Variants in UTRN observed in about 807,000 individuals in gnomAD.
UTRN encodes the protein dystrophin-related protein 1.
In UTRN, 283 loss-of-function variants were observed where a neutral mutation model predicts 463.9. The ratio of observed to expected loss-of-function variants is 0.61; its 90% CI spans 0.55 to 0.67. The LOEUF is 0.67. UTRN is among the 30% of genes least tolerant of loss of function. The probability of loss-of-function intolerance (pLI) is 0.00; values close to 1 mark genes in which losing one functional copy is unlikely to be tolerated. For synonymous variants in UTRN, 1,442 were observed against 1,431.5 expected (o/e 1.01, Z -0.17); for missense variants, 3,922 against 4,084.3 (o/e 0.96, Z 1.08).
chr6:144,590,553 A>C (rs973304655), intron 51 of UTRN, among the ~76,000 whole-genome samples: 1 of 152,188 alleles, frequency 6.6e-6, no homozygotes, highest in Admixed American at 6.5e-5. Flanking sequence ...TTTTTAAAAA[A>C]TTTAATTCAA....
chr6:144,814,706 T>C (rs769865933), intron 65 of UTRN, among the ~76,000 whole-genome samples: 10 of 152,198 alleles, frequency 6.6e-5, no homozygotes, highest in Non-Finnish European at 1.3e-4. Flanking sequence ...ATCTATATTT[T>C]AATGTTTTCA....
At chr6:144,355,434 A>G (rs1778464015) in intron 2 of UTRN, among the ~76,000 whole-genome samples, 5 of 152,266 alleles carry the variant, frequency 3.3e-5, no homozygotes, top group Admixed American at 2.6e-4. Context: ...CCTGGGCTCA[A>G]GTGATATACC....
At chr6:144,635,139 T>A (rs9497028) in intron 51 of UTRN, among the ~76,000 whole-genome samples, 1 of 65,788 alleles carries the variant, frequency 1.5e-5, no homozygotes, top group African/African-American at 1.8e-4. Context: ...TATTTGTGTG[T>A]TTTTTTTTTT....
In UTRN at chr6:144,789,258, C is replaced by A. The variant is rs763500130; in HGVS notation, c.8899C>A (p.Leu2967Ile). The part of the protein sequence containing the change: ...KIGLMSLSKG[L>I]LEEKYRYLFK... ...TGGATTAATGTCTCTCTCCAAAGGT[C>A]TCTTGGAAGAAAAATACAGATGTAT... is the stretch of plus-strand genomic sequence containing the variant. Residue 2967 changes from leucine to isoleucine, a missense_variant, in exon 62 of 75, where the codon CTC becomes ATC. Transcript: ENST00000367545. The A allele has an allele frequency of 6.2e-7, 1 of 1,612,948 alleles. No homozygotes were observed. Among genetic ancestry groups the A allele is most frequent in the Non-Finnish European group, 8.5e-7 (1 of 1,179,506 alleles).
intron 23 of UTRN, among the ~76,000 whole-genome samples, chr6:144,465,702 A>C (rs1481541004): frequency 1.3e-5 from 2 of 152,274 alleles, no homozygotes; most frequent in South Asian, 4.1e-4. Context: ...GGAAAACTTT[A>C]AATTCCACAC....
At chr6:144,614,941 C>T (rs1236095557) in intron 51 of UTRN, among the ~76,000 whole-genome samples, 1 of 152,032 alleles carries the variant, frequency 6.6e-6, no homozygotes, top group East Asian at 1.9e-4. Context: ...TTAAGAAACC[C>T]TCAACATTTC....
intron 52 of UTRN, among the ~76,000 whole-genome samples, chr6:144,686,729 G>A (rs928748000): frequency 1.3e-5 from 2 of 151,712 alleles, no homozygotes; most frequent in African/African-American, 2.4e-5. Flanking sequence ...TTCACTTTTG[G>A]TTGCCATTCG....
intron 51 of UTRN, among the ~76,000 whole-genome samples, chr6:144,605,728 ATAC>A (rs1804778843): frequency 6.6e-6 from 1 of 150,406 alleles, no homozygotes; most frequent in Non-Finnish European, 1.5e-5. Flanking sequence ...ACTGAACTTA[ATAC>A]TTAAGTATAA....
intron 51 of UTRN, among the ~76,000 whole-genome samples, chr6:144,604,874 C>T (rs1585521249): frequency 1.3e-5 from 2 of 151,912 alleles, no homozygotes; most frequent in African/African-American, 2.4e-5. Flanking sequence ...GAGATTGCAC[C>T]GTTGCACTCC....
At chr6:144,822,973 A>C (rs1282326685) in intron 66 of UTRN, among the ~76,000 whole-genome samples, 1 of 152,176 alleles carries the variant, frequency 6.6e-6, no homozygotes, top group Non-Finnish European at 1.5e-5. Flanking sequence ...TGCATATTTT[A>C]TACTCCTTTA....
chr6:144,781,753 T>C (rs1384155151), intron 60 of UTRN, among the ~76,000 whole-genome samples, 169 bp from the exon 61 acceptor site: 1 of 152,192 alleles, frequency 6.6e-6, no homozygotes, highest in Non-Finnish European at 1.5e-5. Context: ...AATGTAAGAA[T>C]AGAAATGTGT....
chr6:144,739,114 A>C (rs973236291), intron 54 of UTRN, among the ~76,000 whole-genome samples: 2 of 152,188 alleles, frequency 1.3e-5, no homozygotes, highest in African/African-American at 4.8e-5. Flanking sequence ...TATATTTAGT[A>C]CATAATATGG....
intron 50 of UTRN, among the ~76,000 whole-genome samples, chr6:144,574,048 G>A (rs143296606): frequency 1.2e-3 from 188 of 152,278 alleles, no homozygotes; most frequent in African/African-American, 4.4e-3. Flanking sequence ...TGGTAGGATT[G>A]TGATAAATGG....
At chr6:144,730,116 T>G (rs1183349958) in intron 53 of UTRN, among the ~76,000 whole-genome samples, 1 of 152,260 alleles carries the variant, frequency 6.6e-6, no homozygotes, top group Non-Finnish European at 1.5e-5. Context: ...TTCCCTTAAG[T>G]GAATATTTTA....
intron 2 of UTRN, among the ~76,000 whole-genome samples, chr6:144,313,396 A>C (rs1775069642): frequency 6.6e-6 from 1 of 152,128 alleles, no homozygotes; most frequent in East Asian, 1.9e-4. Flanking sequence ...GAGAATGGAT[A>C]ATAATAAATA....
intron 51 of UTRN, among the ~76,000 whole-genome samples, chr6:144,585,559 A>C (rs918493555): frequency 3.3e-5 from 5 of 152,142 alleles, no homozygotes; most frequent in African/African-American, 1.2e-4. Context: ...AAACTGATCT[A>C]AGTTATTGAG....
chr6:144,632,575 G>A (rs1249719728), intron 51 of UTRN, among the ~76,000 whole-genome samples: 2 of 152,044 alleles, frequency 1.3e-5, no homozygotes, highest in African/African-American at 4.8e-5. Flanking sequence ...ATTGTCCTCA[G>A]TCTTGAACTG....
intron 1 of UTRN, among the ~76,000 whole-genome samples, chr6:144,290,963 A>G (rs1171362077): frequency 6.7e-6 from 1 of 148,716 alleles, no homozygotes; most frequent in Non-Finnish European, 1.5e-5. Context: ...TTTAGTAGAG[A>G]CAGGGTTTCA....
chr6:144,445,560 C>T lies in UTRN; in HGVS notation c.1614+1178C>T, dbSNP rs920061958. 4.2e-5 allele frequency among the ~76,000 whole-genome samples: 6 copies of T among 144,206 alleles called. No homozygotes were observed. In the Admixed American group the frequency reaches 4.2e-4, roughly 10 times the overall value. The allele number at this position is 144,206 out of a possible 152,430, so 94.6% of individuals were successfully genotyped here. A position where few individuals can be genotyped will look rare whatever the true frequency, so the allele number is the denominator to read the frequency against. ...AAATATAAATTGTTAATGACTACTT[C>T]CCCCCCCGCCCTCAATCTGTGGTCA... On this transcript the variant is annotated intron_variant, in intron 14 of 74. Coordinates refer to ENST00000367545, the MANE Select transcript of UTRN (RefSeq NM_007124.3).
Sources: allele counts gnomAD v4.1 joint callset (sites outside exome capture counted in the v4.1 genomes callset), GRCh38; gene constraint gnomAD v4.1.1; transcripts MANE v1.5; gene names NCBI Gene and HGNC (gene_info 2026-07-23, HGNC 2026-07-21).